The following ENOX1 variants were observed in gnomAD, a reference collection of about 807,000 sequenced individuals.
The protein encoded by ENOX1 is ecto-NOX disulfide-thiol exchanger 1, also known as candidate growth-related and time keeping constitutive hydroquinone (NADH) oxidase.
A neutral mutation model predicts 82.5 loss-of-function variants in ENOX1; 42 were observed. The observed-to-expected ratio is 0.51, with a 90% CI of 0.40 to 0.66. The LOEUF (loss-of-function observed/expected upper bound fraction) is 0.66, where lower values mean the gene tolerates loss of function less well. ENOX1 is among the 30% of genes least tolerant of loss of function. The probability of loss-of-function intolerance (pLI) is 0.00; values close to 1 mark genes in which losing one functional copy is unlikely to be tolerated. For missense variants in ENOX1, 608 were observed against 811.6 expected (o/e 0.75, Z 3.05); for synonymous variants, 271 against 282.2 (o/e 0.96, Z 0.40).
chr13:43,728,691 G>T (rs2089144146), intron 1 of ENOX1, among the ~76,000 whole-genome samples: 1 of 152,150 alleles, frequency 6.6e-6, no homozygotes, highest in Admixed American at 6.6e-5. Context: ...TGGAGACTGG[G>T]AGATGCACTG....
intron 5 of ENOX1, among the ~76,000 whole-genome samples, chr13:43,388,715 T>C (rs1221804752): frequency 6.6e-6 from 1 of 152,052 alleles, no homozygotes; most frequent in Non-Finnish European, 1.5e-5. Context: ...ATCTCTGAAA[T>C]TGGCCAGAGC....
At chr13:43,365,713 G>A (rs550505562) in intron 5 of ENOX1, among the ~76,000 whole-genome samples, 1 of 152,360 alleles carries the variant, frequency 6.6e-6, no homozygotes, top group Admixed American at 6.5e-5. Context: ...GGGGTTTGGG[G>A]AAGGAGATAG....
intron 15 of ENOX1, among the ~76,000 whole-genome samples, chr13:43,232,093 C>CTTT (rs33932346): frequency 0.021 from 2,252 of 109,500 alleles, 113 homozygotes; most frequent in Middle Eastern, 0.051. Flanking sequence ...GCCCAGCTAA[C>CTTT]TTTTTTTTTT....
chr13:43,624,430 G>A (rs1398858865), intron 2 of ENOX1, among the ~76,000 whole-genome samples: 1 of 152,010 alleles, frequency 6.6e-6, no homozygotes, highest in African/African-American at 2.4e-5. Flanking sequence ...TTTTAATGAA[G>A]TGAAATTTTT....
chr13:43,513,898 G>A (rs2077464844), intron 2 of ENOX1, among the ~76,000 whole-genome samples: 1 of 152,042 alleles, frequency 6.6e-6, no homozygotes, highest in Admixed American at 6.6e-5. Context: ...CTATGATTCT[G>A]CATTAATTTA....
At chr13:43,666,122 A>G (rs889345145) in intron 2 of ENOX1, among the ~76,000 whole-genome samples, 8 of 152,220 alleles carry the variant, frequency 5.3e-5, no homozygotes, top group Admixed American at 2.0e-4. Context: ...TTGCTAAAAC[A>G]ATGTTGATAC....
At chr13:43,616,158 A>G (rs57142007) in intron 2 of ENOX1, among the ~76,000 whole-genome samples, 1 of 6,646 alleles carries the variant, frequency 1.5e-4, no homozygotes, top group African/African-American at 3.0e-4. Context: ...ATATAGATAG[A>G]TATCTATCTA....
At chr13:43,416,771 C>A (rs1431136280) in intron 3 of ENOX1, among the ~76,000 whole-genome samples, 1 of 151,016 alleles carries the variant, frequency 6.6e-6, no homozygotes, top group Non-Finnish European at 1.5e-5. Flanking sequence ...AGACAATGGG[C>A]AGCCAGGCAG....
In ENOX1 at chr13:43,786,201, A is replaced by G. The variant is rs1304599130; in HGVS notation, c.-285+451T>C. 6.6e-6 allele frequency among the ~76,000 whole-genome samples: 1 copy of G among 152,130 alleles called. No homozygotes were observed. Among genetic ancestry groups the G allele is most frequent in the Non-Finnish European group, 1.5e-5 (1 of 68,010 alleles). On this transcript the variant is annotated intron_variant, in intron 1 of 16. Transcript: ENST00000690772. This position sits in a 1 kb window ranked among gnomAD's most constrained non-coding sequence, Gnocchi z 6.0. ...AAAAGGGATGCAGAGCGGGAGGGTGAAAACCTGAAAGAAGAGGGCAGCGGG... is the reference window on the plus strand; with the variant it reads ...AAAAGGGATGCAGAGCGGGAGGGTGGAAACCTGAAAGAAGAGGGCAGCGGG...
intron 1 of ENOX1, among the ~76,000 whole-genome samples, chr13:43,682,205 C>T (rs1042165747): frequency 6.6e-6 from 1 of 152,126 alleles, no homozygotes; most frequent in Non-Finnish European, 1.5e-5. Flanking sequence ...ATACTCTCCC[C>T]ATTTCTCTAG....
At chr13:43,606,846 C>G (rs1435016874) in intron 2 of ENOX1, among the ~76,000 whole-genome samples, 1 of 151,852 alleles carries the variant, frequency 6.6e-6, no homozygotes, top group Non-Finnish European at 1.5e-5. Context: ...AAAACCCCAT[C>G]TCTACTAAAA....
intron 9 of ENOX1, 109 bp from the exon 10 acceptor site, chr13:43,326,634 A>T (rs572890679): frequency 2.1e-5 from 18 of 869,452 alleles, no homozygotes; most frequent in Non-Finnish European, 3.5e-5. Flanking sequence ...AATAGAAACA[A>T]CATCATCAAT....
intron 9 of ENOX1, among the ~76,000 whole-genome samples, chr13:43,328,645 A>G (rs1004898087): frequency 1.3e-5 from 2 of 152,234 alleles, no homozygotes; most frequent in African/African-American, 4.8e-5. Context: ...CTGGAGGAGT[A>G]CAGAAAAGAA....
chr13:43,700,276 T>C (rs1488260207), intron 1 of ENOX1, among the ~76,000 whole-genome samples: 13 of 152,184 alleles, frequency 8.5e-5, no homozygotes, highest in Non-Finnish European at 1.5e-4. Flanking sequence ...AAGAGATAAA[T>C]GGAATTTTAG....
Position 43,380,026 on chromosome 13 carries a change from T to TA in ENOX1, c.209-18575dup, listed in dbSNP as rs200867562. 8.4e-4 allele frequency among the ~76,000 whole-genome samples: 127 copies of TA among 151,172 alleles called. 1 individual carries two copies. In the East Asian group the frequency reaches 0.017, roughly 20 times the overall value. On this transcript the variant is annotated intron_variant, in intron 5 of 16. Coordinates refer to ENST00000690772, the MANE Select transcript of ENOX1 (RefSeq NM_001347969.2). ...AATAGCACCTTTAAAGAACTGAAAT[T>TA]AAAAAAAAATCTTTTCTTTAACTTT...
chr13:43,755,801 G>A (rs568104732), intron 1 of ENOX1, among the ~76,000 whole-genome samples: 1 of 152,220 alleles, frequency 6.6e-6, no homozygotes, highest in South Asian at 2.1e-4. Flanking sequence ...TTACTTTCTG[G>A]TATGATCTTA....
chr13:43,605,558 G>A (rs954056877), intron 2 of ENOX1, among the ~76,000 whole-genome samples: 1 of 152,122 alleles, frequency 6.6e-6, no homozygotes, highest in African/African-American at 2.4e-5. Flanking sequence ...TTAGGGGAAA[G>A]TACAGTCTCT....
chr13:43,666,167 T>C (rs564027824), intron 2 of ENOX1, among the ~76,000 whole-genome samples: 1 of 152,012 alleles, frequency 6.6e-6, no homozygotes, highest in East Asian at 1.9e-4. Context: ...GTTGGAAAAA[T>C]GATGCTGATA....
intron 2 of ENOX1, among the ~76,000 whole-genome samples, chr13:43,597,170 C>T (rs2081509785): frequency 6.6e-6 from 1 of 152,122 alleles, no homozygotes; most frequent in African/African-American, 2.4e-5. Context: ...AGAACTCACT[C>T]ACTATTATGA....
Sources: allele counts gnomAD v4.1 joint callset (sites outside exome capture counted in the v4.1 genomes callset), GRCh38; gene constraint gnomAD v4.1.1; non-coding constraint Gnocchi (gnomAD v3.1); transcripts MANE v1.5; gene names NCBI Gene and HGNC (gene_info 2026-07-23, HGNC 2026-07-21).